Variants in TMEM25 observed in about 807,000 individuals in gnomAD.
TMEM25 encodes the protein transmembrane protein 25.
A neutral mutation model predicts 37.0 loss-of-function variants in TMEM25; 36 were observed. That is an observed-to-expected ratio of 0.97 (90% CI 0.75 to 1.28). The LOEUF (loss-of-function observed/expected upper bound fraction) is 1.28. Among genes scored for constraint, TMEM25 ranks in the 50% most tolerant of loss-of-function variants. The probability of loss-of-function intolerance (pLI) is 0.00; values close to 1 mark genes in which losing one functional copy is unlikely to be tolerated. For synonymous variants in TMEM25, 197 were observed against 203.7 expected (o/e 0.97, Z 0.28); for missense variants, 444 against 477.9 (o/e 0.93, Z 0.66).
downstream of TMEM25, chr11:118,546,507 A>G (rs1951690610): frequency 4.6e-6 from 1 of 219,728 alleles, no homozygotes; most frequent in Non-Finnish European, 9.1e-6. Context: ...GAAGGAAGGG[A>G]GGGAGGGAAT....
chr11:118,537,257 C>T (rs1555063821), downstream of TMEM25, among the ~76,000 whole-genome samples: 1 of 152,060 alleles, frequency 6.6e-6, no homozygotes. Flanking sequence ...AGGAGAAATG[C>T]TGGAACCCAG....
chr11:118,544,998 A>G, intron 8 of TMEM25: 2 of 1,612,060 alleles, frequency 1.2e-6, no homozygotes, highest in Non-Finnish European at 1.7e-6. Flanking sequence ...GCCTTCAGCG[A>G]GAGCTTTAAA....
At position 118,531,214 on chromosome 11, in the gene TMEM25, G is replaced by A. The variant is rs1211667782; in HGVS notation, c.-48G>A. ...ATCAGACCTGAGCAGTTGCTCCGGC[G>A]GCGCTCGGGGAGGGAGCCAGGTGAG... On this transcript the variant is annotated 5_prime_UTR_variant, in exon 1 of 9. Coordinates refer to ENST00000313236, the MANE Select transcript of TMEM25 (RefSeq NM_032780.4). The A allele has an allele frequency of 4.3e-6, 2 of 460,884 alleles. No individual in the cohort carries two copies. Among genetic ancestry groups the A allele is most frequent in the Non-Finnish European group, 7.7e-6 (2 of 258,512 alleles). 28.5% of individuals were successfully genotyped at this position (460,884 alleles called of 1,614,324 possible). A position where few individuals can be genotyped will look rare whatever the true frequency, so the allele number is the denominator to read the frequency against.
At chr11:118,545,631 A>T in intron 8 of TMEM25, 1 of 1,062,708 alleles carries the variant, frequency 9.4e-7, no homozygotes, top group Non-Finnish European at 1.4e-6. Context: ...GCAGGTAGTC[A>T]CATAAGCCAA....
At chr11:118,539,680 A>G (rs1951552800), downstream of TMEM25, among the ~76,000 whole-genome samples, 1 of 151,914 alleles carries the variant, frequency 6.6e-6, no homozygotes, top group Non-Finnish European at 1.5e-5. Flanking sequence ...TACTTTCCCA[A>G]GTGTAAGTTT....
chr11:118,533,240 TTCAGGTGGGC>T, intron 4 of TMEM25, 33 bp downstream of exon 4: 1 of 1,568,292 alleles, frequency 6.4e-7, no homozygotes, highest in Non-Finnish European at 8.6e-7. Context: ...CCTGCAAAGC[TTCAGGTGGGC>T]TCAGGGGTCC....
chr11:118,545,366 G>T, intron 8 of TMEM25: 1 of 1,364,854 alleles, frequency 7.3e-7, no homozygotes, highest in Non-Finnish European at 1.0e-6. Flanking sequence ...AAACTATAGT[G>T]ATCCTCTCTA....
rs1040310741 is a variant in TMEM25 at position 118,535,216 on chromosome 11, C to T, written c.*636C>T. 1 of 1,106,264 alleles carries T rather than the reference C, an allele frequency of 9.0e-7. No homozygotes were observed. The highest frequency in any genetic ancestry group is 1.1e-6 in the Non-Finnish European group (1 of 907,682). The allele number at this position is 1,106,264 out of a possible 1,614,324, so 68.5% of individuals were successfully genotyped here. A position where few individuals can be genotyped will look rare whatever the true frequency, so the allele number is the denominator to read the frequency against. ...ACCTCCTCTTGGGAATTCTAGGTTA[C>T]ACGTTGGACCTTCTCTACTACTTCA... is the stretch of plus-strand genomic sequence containing the variant. On this transcript the variant is annotated 3_prime_UTR_variant, in exon 9 of 9. Transcript: ENST00000313236.
chr11:118,545,677 G>A, intron 8 of TMEM25: 7 of 1,241,578 alleles, frequency 5.6e-6, no homozygotes, highest in Non-Finnish European at 3.6e-6. Context: ...AGCACAACGG[G>A]CTTAAAGTGA....
chr11:118,531,707 A>G, intron 1 of TMEM25, 68 bp from the exon 2 acceptor site: 1 of 1,182,680 alleles, frequency 8.5e-7, no homozygotes, highest in Admixed American at 2.7e-5. Context: ...TCTGGAGAGT[A>G]AATTCCTGGA....
In TMEM25 at chr11:118,532,475, A is replaced by T; in HGVS notation, c.382+14A>T. 1 of 1,598,252 alleles carries T rather than the reference A, an allele frequency of 6.3e-7. No individual in the cohort carries two copies. Among genetic ancestry groups the T allele is most frequent in the Non-Finnish European group, 8.5e-7 (1 of 1,169,756 alleles). ...TTAATGTGCAATGTGAGTGGCCCTG[A>T]GGTGGGCAGGGAGATAGGTTCTTTG... On this transcript the variant is annotated intron_variant, in intron 3 of 8. Transcript: ENST00000313236.
At chr11:118,541,380 T>C (rs1951576020) in intron 8 of TMEM25, among the ~76,000 whole-genome samples, 1 of 149,976 alleles carries the variant, frequency 6.7e-6, no homozygotes, top group Non-Finnish European at 1.5e-5. Flanking sequence ...GAGAATGGCT[T>C]GAACCTGGGA....
downstream of TMEM25, among the ~76,000 whole-genome samples, chr11:118,538,240 CA>C (rs1378280472): frequency 2.0e-5 from 3 of 152,094 alleles, no homozygotes; most frequent in Non-Finnish European, 2.9e-5. Context: ...GGTACGATCT[CA>C]GCTCACTGCA....
intron 8 of TMEM25, among the ~76,000 whole-genome samples, chr11:118,541,581 A>T (rs60067274): frequency 0.16 from 24,622 of 151,912 alleles, 2,462 homozygotes; most frequent in East Asian, 0.49. Context: ...CAAATTTTTT[A>T]AAAAAAATTC....
chr11:118,534,033 T>A lies in TMEM25; in HGVS notation c.841T>A (p.Ser281Thr). Residue 281 changes from serine (S) to threonine (T), a missense_variant, in exon 7 of 9, where the codon TCC becomes ACC. Ser to Thr is a moderately conservative substitution (Grantham distance 58). Transcript: ENST00000313236. This position sits in a 1 kb window ranked among gnomAD's most constrained non-coding sequence, Gnocchi z 4.6. ...SRHPSLISSD[S>T]NNLKLNNVRL... The stretch of plus-strand genomic sequence containing the variant: ...CGAACTTTGTCCTCCCTGTAGTGAC[T>A]CCAACAACCTAAAACTCAACAACGT... 1 of 1,614,070 alleles carries A rather than the reference T, an allele frequency of 6.2e-7. No homozygotes were observed. The highest frequency in any genetic ancestry group is 8.5e-7 in the Non-Finnish European group (1 of 1,180,002).
At chr11:118,544,913 G>A (rs1555066630) in intron 8 of TMEM25, 2 of 1,603,790 alleles carry the variant, frequency 1.2e-6, no homozygotes, top group Admixed American at 1.7e-5. Flanking sequence ...CTTGGGAAGT[G>A]TCTCAGCTGA....
Position 118,531,227 on chromosome 11 carries a change from G to C in TMEM25, c.-35G>C. Reference sequence around the variant, plus strand: ...AGTTGCTCCGGCGGCGCTCGGGGAGGGAGCCAGGTGAGCCGCCCCGGTGGC... The same window carrying C: ...AGTTGCTCCGGCGGCGCTCGGGGAGCGAGCCAGGTGAGCCGCCCCGGTGGC... On this transcript the variant is annotated 5_prime_UTR_variant, in exon 1 of 9. Coordinates refer to ENST00000313236, the MANE Select transcript of TMEM25 (RefSeq NM_032780.4). 1 of 429,012 alleles carries C rather than the reference G, an allele frequency of 2.3e-6. No homozygotes were observed. The highest frequency in any genetic ancestry group is 4.2e-6 in the Non-Finnish European group (1 of 238,600). 26.6% of individuals were successfully genotyped at this position (429,012 alleles called of 1,614,324 possible).
intron 8 of TMEM25, among the ~76,000 whole-genome samples, chr11:118,544,133 G>C (rs1352712951): frequency 6.6e-6 from 1 of 152,154 alleles, no homozygotes; most frequent in African/African-American, 2.4e-5. Context: ...GAAATAACTA[G>C]CATGGTTTCA....
At chr11:118,545,337 A>C in intron 8 of TMEM25, 1 of 1,125,578 alleles carries the variant, frequency 8.9e-7, no homozygotes, top group Non-Finnish European at 1.3e-6. Flanking sequence ...ATGCAATCAC[A>C]GCAGGCTCAG....
Sources: allele counts gnomAD v4.1 joint callset (sites outside exome capture counted in the v4.1 genomes callset), GRCh38; gene constraint gnomAD v4.1.1; non-coding constraint Gnocchi (gnomAD v3.1); transcripts MANE v1.5; gene names NCBI Gene and HGNC (gene_info 2026-07-23, HGNC 2026-07-21).